CHN1: variants seen among roughly 807,000 people sequenced by gnomAD.
The protein encoded by CHN1 is N-chimaerin.
Under a neutral mutation model 59.5 loss-of-function variants are expected in CHN1, and 37 were observed. That is an observed-to-expected ratio of 0.62 (90% CI 0.48 to 0.82). The LOEUF (loss-of-function observed/expected upper bound fraction) is 0.82. Ranked by LOEUF, CHN1 falls within the 40% of genes least tolerant of loss-of-function variation. The pLI, the probability that CHN1 is intolerant of heterozygous loss-of-function variation, is 0.00. For synonymous variants in CHN1, 206 were observed against 200.4 expected, an observed-to-expected ratio of 1.03 and a Z score of -0.24; for missense variants, 469 against 571.0, an observed-to-expected ratio of 0.82 and a Z score of 1.82.
chr2:174,920,049 T>C (rs1029058470), intron 3 of CHN1, among the ~76,000 whole-genome samples: 1 of 152,210 alleles, frequency 6.6e-6, no homozygotes, highest in Non-Finnish European at 1.5e-5. Context: ...AGTATTTGTC[T>C]TTCTGGGCCT....
At chr2:174,843,606 A>G (rs1686391476) in intron 7 of CHN1, among the ~76,000 whole-genome samples, 1 of 152,072 alleles carries the variant, frequency 6.6e-6, no homozygotes, top group South Asian at 2.1e-4. Flanking sequence ...GATCATGCTA[A>G]GGTTTTCAAT....
chr2:174,819,646 A>G (rs1158087683), intron 8 of CHN1, among the ~76,000 whole-genome samples: 1 of 152,022 alleles, frequency 6.6e-6, no homozygotes, highest in Non-Finnish European at 1.5e-5. Context: ...AACAACGACC[A>G]TCCTTTGAAC....
chr2:174,890,989 A>T (rs1331277526), intron 5 of CHN1, among the ~76,000 whole-genome samples: 1 of 151,276 alleles, frequency 6.6e-6, no homozygotes, highest in African/African-American at 2.4e-5. Flanking sequence ...ACAAAAAAAA[A>T]AATTAGCCGG....
chr2:174,812,451 G>A lies in CHN1; in HGVS notation c.744C>T (p.Ser248=), dbSNP rs1187371809. The A allele has an allele frequency of 1.2e-6, 2 of 1,613,824 alleles. No homozygotes were observed. Among genetic ancestry groups the A allele is most frequent in the Non-Finnish European group, 1.7e-6 (2 of 1,179,836 alleles). The part of the protein sequence containing the change: ...DCGLNVHKQC[S]KMVPNDCKPD... ...GCTTACAGTCATTTGGGACCATCTT[G>A]GAACACTGCTTATGAACATTCAAAC... Residue 248 remains serine (S), a synonymous_variant, in exon 9 of 13, where the codon TCC becomes TCT. Transcript: ENST00000409900.
intron 5 of CHN1, among the ~76,000 whole-genome samples, chr2:174,906,565 AC>A (rs1688549868): frequency 6.6e-6 from 1 of 152,214 alleles, no homozygotes; most frequent in Non-Finnish European, 1.5e-5. Context: ...TGAACTGTAC[AC>A]TTGAAACAGG....
At position 174,878,139 on chromosome 2, in the gene CHN1, G is replaced by C; in HGVS notation, c.261-11C>G. ...GTTTGACTTCCAAATCTGCCTCAAT[G>C]AAATGGGAAAGATGTTTTTAAGAAA... On this transcript the variant is annotated splice_polypyrimidine_tract_variant and intron_variant, in intron 5 of 12. Coordinates refer to ENST00000409900, the MANE Select transcript of CHN1 (RefSeq NM_001822.7). 1.3e-6 allele frequency: 2 copies of C among 1,513,164 alleles called. No homozygotes were observed. The highest frequency in any genetic ancestry group is 1.8e-6 in the Non-Finnish European group (2 of 1,126,616). The allele number at this position is 1,513,164 out of a possible 1,614,324, so 93.7% of individuals were successfully genotyped here. A position where few individuals can be genotyped will look rare whatever the true frequency, so the allele number is the denominator to read the frequency against.
chr2:174,962,760 A>C (rs1029006951), intron 1 of CHN1, among the ~76,000 whole-genome samples: 3 of 149,582 alleles, frequency 2.0e-5, no homozygotes, highest in African/African-American at 7.4e-5. Flanking sequence ...AAATACAAAA[A>C]TTAGCCGGGC....
intron 6 of CHN1, chr2:174,847,389 GAAAT>G: frequency 1.6e-6 from 2 of 1,229,036 alleles, no homozygotes; most frequent in Non-Finnish European, 2.0e-6. Context: ...AGTCTGAACA[GAAAT>G]AAAAAGAAAG....
intron 1 of CHN1, among the ~76,000 whole-genome samples, chr2:175,004,016 G>T (rs144986684): frequency 1.8e-3 from 270 of 152,262 alleles, no homozygotes; most frequent in African/African-American, 6.1e-3. Context: ...AACTTACTTA[G>T]GCTGTTCTCG....
In CHN1 at chr2:175,004,925, C is replaced by A; in HGVS notation, c.-13G>T. On this transcript the variant is annotated 5_prime_UTR_variant, in exon 1 of 13. Transcript: ENST00000409900. ...GGGTCAGGGCCATTGTAAAGGCGCT[C>A]GCCGCCGCCCGCGAGTCCAGGCGCT... is the stretch of plus-strand genomic sequence containing the variant. The A allele has an allele frequency of 6.5e-7, 1 of 1,532,228 alleles. No homozygotes were observed. The allele number at this position is 1,532,228 out of a possible 1,614,324, so 94.9% of individuals were successfully genotyped here. A position where few individuals can be genotyped will look rare whatever the true frequency, so the allele number is the denominator to read the frequency against.
intron 3 of CHN1, among the ~76,000 whole-genome samples, chr2:174,931,520 C>G (rs1297496728): frequency 6.6e-6 from 1 of 152,196 alleles, no homozygotes; most frequent in East Asian, 1.9e-4. Flanking sequence ...TATTAAGCAC[C>G]TACTAAGTGT....
At chr2:174,892,458 C>T (rs1688082055) in intron 5 of CHN1, among the ~76,000 whole-genome samples, 1 of 152,168 alleles carries the variant, frequency 6.6e-6, no homozygotes, top group South Asian at 2.1e-4. Context: ...GGGCCCTCAC[C>T]AGACACTAAA....
chr2:174,916,325 C>T (rs1688847801), intron 4 of CHN1, among the ~76,000 whole-genome samples: 1 of 152,158 alleles, frequency 6.6e-6, no homozygotes, highest in South Asian at 2.1e-4. Context: ...CTGTGATGCC[C>T]CTGTGCAAGT....
chr2:174,969,944 TAAG>T (rs1438757578), intron 1 of CHN1, among the ~76,000 whole-genome samples: 4 of 152,092 alleles, frequency 2.6e-5, no homozygotes, highest in African/African-American at 9.7e-5. Flanking sequence ...ATAGTAATCT[TAAG>T]AAGGATTTTG....
At chr2:174,837,394 C>T (rs754352413) in intron 7 of CHN1, 3 of 152,200 alleles carry the variant, frequency 2.0e-5, no homozygotes, top group Admixed American at 6.5e-5. Context: ...AATCCATTCA[C>T]ATGGATAGCC....
intron 3 of CHN1, among the ~76,000 whole-genome samples, chr2:174,925,531 G>C (rs557894967): frequency 6.6e-6 from 1 of 152,304 alleles, no homozygotes; most frequent in South Asian, 2.1e-4. Context: ...GATTAAACAA[G>C]AATGTGACAC....
intron 3 of CHN1, among the ~76,000 whole-genome samples, chr2:174,929,282 T>A (rs1689262695): frequency 6.6e-6 from 1 of 152,116 alleles, no homozygotes; most frequent in Admixed American, 6.5e-5. Context: ...AAATACTACT[T>A]AATAACTTGC....
chr2:174,962,242 G>A (rs1457186176), intron 1 of CHN1, among the ~76,000 whole-genome samples: 8 of 152,012 alleles, frequency 5.3e-5, no homozygotes, highest in Non-Finnish European at 1.5e-5. Context: ...CCGAGATCAC[G>A]CCACTGCATT....
rs1687870938 is a variant in CHN1, at chr2:174,885,527, T to A, written c.261-7399A>T. Among the ~76,000 whole-genome samples the A allele has an allele frequency of 2.0e-5, 3 of 152,182 alleles. No homozygotes were observed. The South Asian group carries it at 6.2e-4, about 32-fold the overall frequency. ...TTTCTTTTTTTTCTGAGACAGAGTC[T>A]CCCTGACCTCAGGCTGGAGTGCAGT... On this transcript the variant is annotated intron_variant, in intron 5 of 12. Transcript: ENST00000409900.
Sources: allele counts gnomAD v4.1 joint callset (sites outside exome capture counted in the v4.1 genomes callset), GRCh38; gene constraint gnomAD v4.1.1; transcripts MANE v1.5; gene names NCBI Gene and HGNC (gene_info 2026-07-23, HGNC 2026-07-21).